The following IKBKB-DT variants were observed in gnomAD, a reference collection of about 807,000 sequenced individuals.
IKBKB-DT encodes the protein IKBKB divergent transcript.
At chr8:42,265,724 T>C (rs759176735) in exon 2 of IKBKB-DT, 1 of 152,292 alleles carries the variant, frequency 6.6e-6, no homozygotes, top group Non-Finnish European at 1.5e-5. Context: ...TTGAATTTAC[T>C]GGAATAAAAA....
intron 1 of IKBKB-DT, among the ~76,000 whole-genome samples, chr8:42,268,180 G>A (rs1044220380): frequency 2.0e-5 from 3 of 149,440 alleles, no homozygotes; most frequent in Non-Finnish European, 4.4e-5. Flanking sequence ...TGTCGCCCAG[G>A]CTGGAGTGCA....
At chr8:42,234,757 G>A (rs1052458250) in intron 3 of IKBKB-DT, among the ~76,000 whole-genome samples, 1 of 152,094 alleles carries the variant, frequency 6.6e-6, no homozygotes, top group East Asian at 1.9e-4. Context: ...AGCCTCCCAA[G>A]TACCTGAGAT....
At chr8:42,259,034 C>A (rs1232093444) in intron 3 of IKBKB-DT, among the ~76,000 whole-genome samples, 1 of 151,500 alleles carries the variant, frequency 6.6e-6, no homozygotes, top group African/African-American at 2.4e-5. Flanking sequence ...TTCTTTCTTT[C>A]TTTTTTCCGA....
chr8:42,245,429 T>G (rs941848918), intron 3 of IKBKB-DT, among the ~76,000 whole-genome samples: 15 of 152,340 alleles, frequency 9.8e-5, no homozygotes, highest in Non-Finnish European at 7.3e-5. Context: ...GCAAACTGAT[T>G]GTGTTCACAA....
intron 3 of IKBKB-DT, among the ~76,000 whole-genome samples, chr8:42,237,144 T>G (rs57285081): frequency 6.6e-6 from 1 of 150,862 alleles, no homozygotes; most frequent in Non-Finnish European, 1.5e-5. Flanking sequence ...TGGAGTGGAG[T>G]GGTACAATCT....
At chr8:42,239,427 TC>T (rs1465237587) in intron 3 of IKBKB-DT, among the ~76,000 whole-genome samples, 1 of 151,294 alleles carries the variant, frequency 6.6e-6, no homozygotes, top group African/African-American at 2.4e-5. Context: ...TGGGTATCTC[TC>T]CCCACCAGCT....
At chr8:42,255,335 T>C (rs1007279733) in intron 3 of IKBKB-DT, 11 of 152,262 alleles carry the variant, frequency 7.2e-5, no homozygotes, top group Non-Finnish European at 1.3e-4. Flanking sequence ...AAGTCTGTTT[T>C]GCTGGAACTT....
chr8:42,261,925 G>A (rs1807294494), intron 3 of IKBKB-DT, among the ~76,000 whole-genome samples: 2 of 152,214 alleles, frequency 1.3e-5, no homozygotes, highest in Non-Finnish European at 2.9e-5. Context: ...TGCCTGCACA[G>A]GCAGCCTGGA....
rs576882645 is a variant in IKBKB-DT, at chr8:42,254,168, G to A, written n.1529+9161C>T. 5.9e-5 allele frequency among the ~76,000 whole-genome samples: 9 copies of A among 152,292 alleles called. No homozygotes were observed. In the South Asian group the frequency reaches 8.3e-4, roughly 14 times the overall value. ...AGTTACTATTTGTTCCTAATCAGAC[G>A]GGGAGGAAAGTCTTTGAAGAGGAAC... On this transcript the variant is annotated intron_variant and non_coding_transcript_variant, in intron 3 of 3. Transcript: ENST00000518213.
At chr8:42,241,578 A>G (rs754653286) in intron 3 of IKBKB-DT, among the ~76,000 whole-genome samples, 5 of 152,224 alleles carry the variant, frequency 3.3e-5, no homozygotes, top group Non-Finnish European at 7.3e-5. Context: ...ACACTGAATG[A>G]AAAAGACAAT....
chr8:42,252,985 G>T (rs996799651), intron 3 of IKBKB-DT, among the ~76,000 whole-genome samples: 11 of 152,178 alleles, frequency 7.2e-5, no homozygotes, highest in Non-Finnish European at 1.6e-4. Context: ...CTTTGTGGGG[G>T]AAAATTTGTA....
At chr8:42,262,180 C>A (rs1436191140) in intron 3 of IKBKB-DT, among the ~76,000 whole-genome samples, 1 of 151,860 alleles carries the variant, frequency 6.6e-6, no homozygotes, top group African/African-American at 2.4e-5. Context: ...ATATCTAATG[C>A]TAGATGACAA....
intron 3 of IKBKB-DT, among the ~76,000 whole-genome samples, chr8:42,262,458 A>ATTTATTTATTTATTTATG (rs1554503755): frequency 6.6e-6 from 1 of 151,680 alleles, no homozygotes; most frequent in African/African-American, 2.4e-5. Flanking sequence ...TTATTTATTT[A>ATTTATTTATTTATTTATG]AGACAGAGTC....
intron 3 of IKBKB-DT, among the ~76,000 whole-genome samples, chr8:42,249,905 C>T (rs527834816): frequency 1.3e-5 from 2 of 150,896 alleles, no homozygotes; most frequent in Non-Finnish European, 2.9e-5. Flanking sequence ...AGTGAAACCT[C>T]GTCTTCACTA....
chr8:42,243,378 T>C (rs1054274066), intron 3 of IKBKB-DT, among the ~76,000 whole-genome samples: 3 of 151,992 alleles, frequency 2.0e-5, no homozygotes, highest in Admixed American at 6.5e-5. Flanking sequence ...AGAGCTAAAG[T>C]AAGAAGTGGG....
At chr8:42,235,523 G>C (rs111559958) in intron 3 of IKBKB-DT, among the ~76,000 whole-genome samples, 82 of 152,040 alleles carry the variant, frequency 5.4e-4, no homozygotes, top group African/African-American at 1.9e-3. Flanking sequence ...CTTTTGAGAT[G>C]GCTTTTCAAG....
intron 3 of IKBKB-DT, chr8:42,248,942 A>T (rs2129914598): frequency 6.6e-6 from 1 of 151,988 alleles, no homozygotes; most frequent in East Asian, 1.9e-4. Context: ...TGTAAATTTT[A>T]CTATTGCAAA....
At chr8:42,240,920 A>G (rs772340161) in intron 3 of IKBKB-DT, among the ~76,000 whole-genome samples, 1 of 152,064 alleles carries the variant, frequency 6.6e-6, no homozygotes, top group Non-Finnish European at 1.5e-5. Flanking sequence ...GGTTGCTGTG[A>G]GCTGAGATTG....
chr8:42,253,652 T>G (rs1807157193), intron 3 of IKBKB-DT, among the ~76,000 whole-genome samples: 1 of 152,206 alleles, frequency 6.6e-6, no homozygotes, highest in Admixed American at 6.6e-5. Context: ...TTGAAATGCT[T>G]GTTCCCTGGT....
Sources: allele counts gnomAD v4.1 joint callset (sites outside exome capture counted in the v4.1 genomes callset), GRCh38; gene constraint gnomAD v4.1.1; transcripts MANE v1.5; gene names NCBI Gene and HGNC (gene_info 2026-07-23, HGNC 2026-07-21).